The following CPNE3 variants were observed in gnomAD, a reference collection of about 807,000 sequenced individuals.
The protein encoded by CPNE3 is copine-3.
A neutral mutation model predicts 63.9 loss-of-function variants in CPNE3; 68 were observed. That is an observed-to-expected ratio of 1.06 (90% CI 0.87 to 1.30). The LOEUF (loss-of-function observed/expected upper bound fraction) is 1.30, where lower values mean the gene tolerates loss of function less well. Among genes scored for constraint, CPNE3 ranks in the 50% most tolerant of loss-of-function variants. The pLI is 0.00. For missense variants in CPNE3, 665 were observed against 578.1 expected (o/e 1.15, Z -1.54); for synonymous variants, 219 against 197.5 (o/e 1.11, Z -0.91).
chr8:86,537,444 A>T, intron 6 of CPNE3, 119 bp from the exon 7 acceptor site: 1 of 658,660 alleles, frequency 1.5e-6, no homozygotes, highest in Non-Finnish European at 2.8e-6. Context: ...ATGTATATTT[A>T]CTATCAATAC....
intron 7 of CPNE3, among the ~76,000 whole-genome samples, chr8:86,537,882 T>C (rs1014995462): frequency 6.6e-6 from 1 of 152,088 alleles, no homozygotes; most frequent in Non-Finnish European, 1.5e-5. Context: ...TGTATTCCTC[T>C]GCACCCCTCA....
At position 86,546,609 on chromosome 8, in the gene CPNE3, C is replaced by A. The variant is rs1821056693; in HGVS notation, c.747C>A (p.Cys249Ter). 8 of 1,612,800 alleles carry A rather than the reference C, an allele frequency of 5.0e-6. No homozygotes were observed. The highest frequency in any genetic ancestry group is 6.8e-6 in the Non-Finnish European group (8 of 1,179,546). ...TCTTCCTACAGGTTGAATTTGAATGCATAAATGAGAAAAAAAGGCAAAAGA... is the reference window on the plus strand; with the variant it reads ...TCTTCCTACAGGTTGAATTTGAATGAATAAATGAGAAAAAAAGGCAAAAGA... Reference protein sequence around the residue: ...ASRSSPVEFECINEKKRQKKK... With the variant: ...ASRSSPVEFE The change falls in exon 10 of 17, where the codon TGC becomes TGA. Residue 249 changes from cysteine (C) to a stop codon, truncating the protein, a stop_gained. Transcript: ENST00000517490. LOFTEE classifies it high-confidence loss of function.
Position 86,560,349 on chromosome 8 carries a change from G to T in CPNE3, c.*1939G>T, listed in dbSNP as rs1044985179. On this transcript the variant is annotated 3_prime_UTR_variant, in exon 17 of 17. Transcript: ENST00000517490. ...GACTTACACATATTCTCAATGTACA[G>T]TAAAACAGACAGAAGTGAGCTTATC... 12 of 152,098 alleles carry T rather than the reference G, an allele frequency of 7.9e-5. No individual in the cohort carries two copies. Among genetic ancestry groups the T allele is most frequent in the Admixed American group, 7.9e-4 (12 of 15,272 alleles). 9.4% of individuals were successfully genotyped at this position (152,098 alleles called of 1,614,324 possible).
Position 86,556,151 on chromosome 8 carries a change from A to G in CPNE3, c.1304A>G (p.Asp435Gly), listed in dbSNP as rs1324534887. 1.1e-6 allele frequency: 1 copy of G among 873,016 alleles called. No individual in the cohort carries two copies. Among genetic ancestry groups the G allele is most frequent in the East Asian group, 2.4e-5 (1 of 41,714 alleles). 54.1% of individuals were successfully genotyped at this position (873,016 alleles called of 1,614,324 possible). The change falls in exon 16 of 17, where the codon GAT becomes GGT. Residue 435 changes from aspartate (D) to glycine (G), a missense_variant. By Grantham distance (94) the Asp-to-Gly change is moderately conservative. Coordinates refer to ENST00000517490, the MANE Select transcript of CPNE3 (RefSeq NM_003909.5). ...ACTGATGGTGTGATCACAGACCTTG[A>G]TGAAACCAGACAAGCTATAGTTAAT... ...IITDGVITDL[D>G]ETRQAIVNAS... is the part of the protein sequence containing the mutation.
At chr8:86,531,954 G>C (rs1820692726) in intron 5 of CPNE3, among the ~76,000 whole-genome samples, 1 of 152,156 alleles carries the variant, frequency 6.6e-6, no homozygotes. Context: ...CTGAGCAGCT[G>C]TTTTGCTGTA....
chr8:86,527,946 A>ATTTTTTTTTTTTTTTTTT lies in CPNE3; in HGVS notation c.-10-582_-10-565dup, dbSNP rs869225401. The stretch of plus-strand genomic sequence containing the variant: ...AAATTTATAGTTAAGGTAAAAAGAA[A>ATTTTTTTTTTTTTTTTTT]TTTTTTTTTTTTTTTTTTTTTTTTT... On this transcript the variant is annotated intron_variant, in intron 2 of 16. Coordinates refer to ENST00000517490, the MANE Select transcript of CPNE3 (RefSeq NM_003909.5). 5.6e-4 allele frequency among the ~76,000 whole-genome samples: 48 copies of ATTTTTTTTTTTTTTTTTT among 85,964 alleles called. 4 individuals are homozygous for ATTTTTTTTTTTTTTTTTT. Among genetic ancestry groups the ATTTTTTTTTTTTTTTTTT allele is most frequent in the African/African-American group, 1.2e-3 (22 of 17,652 alleles). 56.4% of individuals were successfully genotyped at this position (85,964 alleles called of 152,430 possible).
chr8:86,538,585 T>G (rs1820858558), intron 7 of CPNE3, among the ~76,000 whole-genome samples: 1 of 152,212 alleles, frequency 6.6e-6, no homozygotes, highest in Non-Finnish European at 1.5e-5. Context: ...GCTCAAATTT[T>G]GGATTTGACT....
intron 14 of CPNE3, 116 bp from the exon 15 acceptor site, chr8:86,554,735 T>C: frequency 8.0e-7 from 1 of 1,254,384 alleles, no homozygotes; most frequent in Non-Finnish European, 1.1e-6. Flanking sequence ...TATAGAACTT[T>C]TGACTATTTA....
rs377392699 is a variant in CPNE3 at position 86,540,255 on chromosome 8, A to C, written c.554A>C (p.Asn185Thr). Residue 185 changes from asparagine to threonine, a missense_variant, in exon 8 of 17, where the codon AAC becomes ACC. Transcript: ENST00000517490. Reference protein sequence around the residue: ...LMVHRTEVVKNNLNPVWRPFK... With the variant: ...LMVHRTEVVKTNLNPVWRPFK... ...ACCACATTTTTATAGGTTGTTAAAA[A>C]CAACTTGAATCCTGTTTGGAGGCCT... The C allele has an allele frequency of 1.2e-5, 19 of 1,608,746 alleles. No individual in the cohort carries two copies. The African/African-American group carries it at 1.9e-4, about 16-fold the overall frequency.
intron 6 of CPNE3, among the ~76,000 whole-genome samples, chr8:86,534,394 G>A (rs533322028): frequency 1.1e-3 from 161 of 152,280 alleles, no homozygotes; most frequent in African/African-American, 3.7e-3. Context: ...GGTGGCTCAT[G>A]CCTGTAATCC....
Position 86,540,320 on chromosome 8 carries a change from G to T in CPNE3, c.619G>T (p.Asp207Tyr). The change falls in exon 8 of 17, where the codon GAC becomes TAC. Residue 207 changes from aspartate (D) to tyrosine (Y), a missense_variant. Asp to Tyr is a radical substitution (Grantham distance 160). Coordinates refer to ENST00000517490, the MANE Select transcript of CPNE3 (RefSeq NM_003909.5). ...TAACTCACTGTGTTACGGAGATATG[G>T]ACAAAACCATTAAGGTAAGTTGAAA... ...SLNSLCYGDM[D>Y]KTIKVECYDY... 6.6e-7 allele frequency: 1 copy of T among 1,512,608 alleles called. No homozygotes were observed. The highest frequency in any genetic ancestry group is 2.2e-5 in the Admixed American group (1 of 45,140). The allele number at this position is 1,512,608 out of a possible 1,614,324, so 93.7% of individuals were successfully genotyped here.
chr8:86,560,646 A>T lies in CPNE3; in HGVS notation c.*2236A>T, dbSNP rs917646484. The T allele has an allele frequency of 2.0e-5, 3 of 152,186 alleles. No homozygotes were observed. The highest frequency in any genetic ancestry group is 4.4e-5 in the Non-Finnish European group (3 of 68,044). 9.4% of individuals were successfully genotyped at this position (152,186 alleles called of 1,614,324 possible). A position where few individuals can be genotyped will look rare whatever the true frequency, so the allele number is the denominator to read the frequency against. On this transcript the variant is annotated 3_prime_UTR_variant, in exon 17 of 17. Coordinates refer to ENST00000517490, the MANE Select transcript of CPNE3 (RefSeq NM_003909.5). ...ATGATCATGTTCATCAGTAGATGCT[A>T]TTATTCATAAGAACTGTGATTCCAG...
intron 14 of CPNE3, chr8:86,553,954 T>C (rs1821253414): frequency 6.6e-6 from 1 of 152,188 alleles, no homozygotes; most frequent in South Asian, 2.1e-4. Flanking sequence ...TGTGCTGTTG[T>C]AATAAACAAT....
At chr8:86,518,373 T>C (rs1285138985) in intron 2 of CPNE3, among the ~76,000 whole-genome samples, 2 of 152,198 alleles carry the variant, frequency 1.3e-5, no homozygotes, top group Non-Finnish European at 2.9e-5. Context: ...TCTTCACAGG[T>C]TGGTGTACCT....
chr8:86,537,456 A>G (rs919728849), intron 6 of CPNE3, 107 bp from the exon 7 acceptor site: 5 of 724,550 alleles, frequency 6.9e-6, no homozygotes, highest in East Asian at 2.6e-5. Context: ...TATCAATACT[A>G]TAGAGTTAGA....
At chr8:86,545,649 G>A (rs1043731713) in intron 9 of CPNE3, among the ~76,000 whole-genome samples, 2 of 152,094 alleles carry the variant, frequency 1.3e-5, no homozygotes, top group African/African-American at 2.4e-5. Context: ...TCACATCATT[G>A]TATTATACCA....
chr8:86,525,617 T>C lies in CPNE3; in HGVS notation c.-10-2919T>C, dbSNP rs542009511. On this transcript the variant is annotated intron_variant, in intron 2 of 16. Coordinates refer to ENST00000517490, the MANE Select transcript of CPNE3 (RefSeq NM_003909.5). ...CCTGGCATGTTGTTTTTGTAGCTTT[T>C]GTATAAGCATTTTTAGGGAAAAAAA... Among the ~76,000 whole-genome samples the C allele has an allele frequency of 7.2e-5, 11 of 152,348 alleles. No homozygotes were observed. In the South Asian group the frequency reaches 2.3e-3, roughly 32 times the overall value.
At position 86,561,206 on chromosome 8, in the gene CPNE3, G is replaced by C; in HGVS notation, c.*2796G>C. ...CTTCCTGGAAAGCTGTCTTCACTAA[G>C]TATCCCCTAGTCTCTATATATGTGG... On this transcript the variant is annotated 3_prime_UTR_variant, in exon 17 of 17. Coordinates refer to ENST00000517490, the MANE Select transcript of CPNE3 (RefSeq NM_003909.5). The C allele has an allele frequency of 6.6e-6, 1 of 151,972 alleles. No individual in the cohort carries two copies. The highest frequency in any genetic ancestry group is 1.9e-4 in the East Asian group (1 of 5,188). The allele number at this position is 151,972 out of a possible 1,614,324, so 9.4% of individuals were successfully genotyped here.
At chr8:86,523,561 T>C (rs1820479852) in intron 2 of CPNE3, among the ~76,000 whole-genome samples, 1 of 152,178 alleles carries the variant, frequency 6.6e-6, no homozygotes, top group Non-Finnish European at 1.5e-5. Context: ...GCAACAGCTG[T>C]ATGAATGAAG....
Sources: gnomAD v4.1 joint callset for allele counts (sites outside exome capture counted in the v4.1 genomes callset) on GRCh38, gnomAD v4.1.1 for gene constraint, MANE v1.5 for transcripts, NCBI Gene and HGNC (gene_info 2026-07-23, HGNC 2026-07-21) for gene names.